TMEM40: variants seen among roughly 807,000 people sequenced by gnomAD.
TMEM40 encodes transmembrane protein 40.
In TMEM40, 34 loss-of-function variants were observed where a neutral mutation model predicts 40.8. The observed-to-expected ratio is 0.83, with a 90% confidence interval of 0.63 to 1.11. The LOEUF (loss-of-function observed/expected upper bound fraction) is 1.11. Among genes scored for constraint, TMEM40 ranks in the 50% least tolerant of loss-of-function variants. The pLI is 0.00. For synonymous variants in TMEM40, 106 were observed against 107.0 expected (o/e 0.99, Z 0.06); for missense variants, 296 against 280.2 (o/e 1.06, Z -0.40).
intron 10 of TMEM40, among the ~76,000 whole-genome samples, chr3:12,736,283 A>G (rs1228937253): frequency 6.6e-6 from 1 of 151,578 alleles, no homozygotes; most frequent in Non-Finnish European, 1.5e-5. Flanking sequence ...CGAGTAGCTG[A>G]GATTACAGAC....
chr3:12,765,867 TC>T (rs1274810147), intron 1 of TMEM40, among the ~76,000 whole-genome samples: 1 of 151,702 alleles, frequency 6.6e-6, no homozygotes, highest in African/African-American at 2.4e-5. Flanking sequence ...CCAGCCTCTT[TC>T]TTTCTGAGAC....
At chr3:12,734,878 C>G in intron 11 of TMEM40, 85 bp from the exon 12 acceptor site, 1 of 1,490,298 alleles carries the variant, frequency 6.7e-7, no homozygotes, top group Non-Finnish European at 9.1e-7. Flanking sequence ...GCCCAAGTAC[C>G]CCTCACAGCT....
chr3:12,757,197 C>T (rs558000433), intron 1 of TMEM40, among the ~76,000 whole-genome samples: 7 of 152,118 alleles, frequency 4.6e-5, no homozygotes, highest in Non-Finnish European at 8.8e-5. Context: ...TCACTGGGTG[C>T]GGTGGCTCAT....
rs1178127321 is a variant in TMEM40, at chr3:12,748,744, G to GA, written c.121dup (p.Ser41PhefsTer6). 1 of 1,614,140 alleles carries GA rather than the reference G, an allele frequency of 6.2e-7. No individual in the cohort carries two copies. Among genetic ancestry groups the GA allele is most frequent in the South Asian group, 1.1e-5 (1 of 91,078 alleles). On this transcript the variant is annotated frameshift_variant, in exon 3 of 12. Coordinates refer to ENST00000314124, the MANE Select transcript of TMEM40 (RefSeq NM_018306.4). LOFTEE classifies it high-confidence loss of function. ...CTTGTTTCTCTCATATTGTTCTTGG[G>GA]AAAAGAGTCCAGCCTTCCCATCTTG... is the stretch of plus-strand genomic sequence containing the variant.
chr3:12,748,501 G>A (rs1391831159), intron 3 of TMEM40, among the ~76,000 whole-genome samples, 154 bp downstream of exon 3: 3 of 152,218 alleles, frequency 2.0e-5, no homozygotes, highest in Admixed American at 1.3e-4. Context: ...AACTGTGTAC[G>A]TAGAAGCACA....
rs185247939 is a variant in TMEM40 at position 12,742,433 on chromosome 3, A to C, written c.355+21T>G. 5.7e-4 allele frequency: 914 copies of C among 1,612,094 alleles called. 2 individuals carry two copies. In the African/African-American group the frequency reaches 0.011, roughly 19 times the overall value. Reference sequence around the variant, plus strand: ...TCCTTCGTCTAATTGTTTTCTCCAAAGCTACTGGGCAACTGATTACCTCCA... The same window carrying C: ...TCCTTCGTCTAATTGTTTTCTCCAACGCTACTGGGCAACTGATTACCTCCA... On this transcript the variant is annotated intron_variant, in intron 5 of 11. Transcript: ENST00000314124.
chr3:12,751,610 CAG>C (rs2061477139), intron 1 of TMEM40, among the ~76,000 whole-genome samples: 2 of 152,072 alleles, frequency 1.3e-5, no homozygotes, highest in South Asian at 4.2e-4. Flanking sequence ...TCCCATTTCT[CAG>C]AGCAGAATTC....
intron 4 of TMEM40, 135 bp downstream of exon 4, chr3:12,743,765 T>C (rs934618638): frequency 4.0e-5 from 31 of 780,382 alleles, no homozygotes; most frequent in Non-Finnish European, 5.9e-5. Context: ...CCTTTATCTA[T>C]TCTGCTGCTG....
intron 2 of TMEM40, 62 bp downstream of exon 2, chr3:12,749,698 T>A: frequency 6.7e-7 from 1 of 1,491,520 alleles, no homozygotes; most frequent in Non-Finnish European, 9.3e-7. Context: ...TTCTGTCCCT[T>A]CTACTTTTGG....
intron 1 of TMEM40, among the ~76,000 whole-genome samples, chr3:12,756,350 G>A (rs2061527081): frequency 6.6e-6 from 1 of 152,086 alleles, no homozygotes; most frequent in Non-Finnish European, 1.5e-5. Context: ...TGTATATGCT[G>A]GGGGTGCCAA....
chr3:12,750,005 G>A (rs140057766), intron 1 of TMEM40, among the ~76,000 whole-genome samples, 165 bp from the exon 2 acceptor site: 202 of 152,286 alleles, frequency 1.3e-3, no homozygotes, highest in African/African-American at 4.7e-3. Context: ...CAAGAAGGCC[G>A]GGGTAGTGGA....
At position 12,736,612 on chromosome 3, in the gene TMEM40, G is replaced by A; in HGVS notation, c.585C>T (p.Ala195=). 2 of 1,568,128 alleles carry A rather than the reference G, an allele frequency of 1.3e-6. No individual in the cohort carries two copies. The highest frequency in any genetic ancestry group is 2.3e-5 in the South Asian group (2 of 86,424). The change falls in exon 10 of 12, where the codon GCC becomes GCT. Residue 195 remains alanine, a synonymous_variant. Transcript: ENST00000314124. ...AGTAGATGCCAACGGTTTCCAGGGAGGCGAAGGTGAGCAGGCCGACCCCAA... is the reference window on the plus strand; with the variant it reads ...AGTAGATGCCAACGGTTTCCAGGGAAGCGAAGGTGAGCAGGCCGACCCCAA... ...MSLGVGLLTF[A]SLETVGIYFG...
intron 11 of TMEM40, 129 bp from the exon 12 acceptor site, chr3:12,734,922 T>TTGAGAC: frequency 6.1e-6 from 6 of 985,834 alleles, no homozygotes; most frequent in Non-Finnish European, 7.7e-6. Context: ...GCCATGGGTC[T>TTGAGAC]CAATGAACCA....
chr3:12,737,183 T>A (rs970704721), intron 8 of TMEM40, among the ~76,000 whole-genome samples: 2 of 142,992 alleles, frequency 1.4e-5, no homozygotes, highest in African/African-American at 5.1e-5. Flanking sequence ...CCTGGCCTCT[T>A]TTTTTTTTTT....
At chr3:12,743,353 G>A (rs1279758858) in intron 4 of TMEM40, among the ~76,000 whole-genome samples, 1 of 152,126 alleles carries the variant, frequency 6.6e-6, no homozygotes, top group African/African-American at 2.4e-5. Context: ...TGTAATCCTA[G>A]CTACTTGGGA....
chr3:12,757,599 T>C (rs1038325180), intron 1 of TMEM40, among the ~76,000 whole-genome samples: 1 of 152,120 alleles, frequency 6.6e-6, no homozygotes, highest in Non-Finnish European at 1.5e-5. Flanking sequence ...TAACAAGTAT[T>C]GGTGAGGGTA....
At chr3:12,753,996 T>C (rs768978269) in intron 1 of TMEM40, among the ~76,000 whole-genome samples, 18 of 152,164 alleles carry the variant, frequency 1.2e-4, no homozygotes, top group Non-Finnish European at 2.4e-4. Flanking sequence ...TGGAGATTAC[T>C]GTCGTATTTT....
intron 1 of TMEM40, among the ~76,000 whole-genome samples, chr3:12,768,351 C>T (rs1324870002): frequency 6.7e-6 from 1 of 148,892 alleles, no homozygotes; most frequent in Non-Finnish European, 1.5e-5. Context: ...CCACTGCTGG[C>T]TGGGGCAGCC....
At chr3:12,766,673 C>T (rs1053437980) in intron 1 of TMEM40, among the ~76,000 whole-genome samples, 4 of 152,160 alleles carry the variant, frequency 2.6e-5, no homozygotes, top group Admixed American at 2.6e-4. Flanking sequence ...ATATTTTCTC[C>T]AGTCCATCGG....
Sources: gnomAD v4.1 joint callset for allele counts (sites outside exome capture counted in the v4.1 genomes callset) on GRCh38, gnomAD v4.1.1 for gene constraint, MANE v1.5 for transcripts, NCBI Gene and HGNC (gene_info 2026-07-23, HGNC 2026-07-21) for gene names.